Variants in SAMD5 observed in about 807,000 individuals in gnomAD.
The protein encoded by SAMD5 is sterile alpha motif domain-containing protein 5.
A neutral mutation model predicts 11.3 loss-of-function variants in SAMD5; 13 were observed. That is an observed-to-expected ratio of 1.15 (90% CI 0.75 to 1.83). The LOEUF (loss-of-function observed/expected upper bound fraction) is 1.83. Among genes scored for constraint, SAMD5 ranks in the 40% most tolerant of loss-of-function variants. The probability of loss-of-function intolerance (pLI) is 0.00; values close to 1 mark genes in which losing one functional copy is unlikely to be tolerated. For missense variants in SAMD5, 255 were observed against 239.1 expected (o/e 1.07, Z -0.44); for synonymous variants, 129 against 111.3 (o/e 1.16, Z -1.00).
the SAMD5 span, among the ~76,000 whole-genome samples, chr6:147,746,829 C>T: frequency 3.3e-5 from 5 of 152,186 alleles, 1 homozygote; most frequent in South Asian, 1.0e-3. Context: ...GCAGGGGTCA[C>T]TAGGCGGCAG....
rs543601641 is a variant in SAMD5 at position 147,567,217 on chromosome 6, TGGGAGCTGA to T, written c.*2762_*2770del. 4.2e-5 allele frequency: 41 copies of T among 985,324 alleles called. 1 individual carries two copies. The African/African-American group carries it at 6.3e-4, about 15-fold the overall frequency. The allele number at this position is 985,324 out of a possible 1,614,324, so 61.0% of individuals were successfully genotyped here. ...GTTAAGGGCTTCTTCCTTACCCAAG[TGGGAGCTGA>T]ACCAGTAATTGTGGGGAAAACTGAA... On this transcript the variant is annotated 3_prime_UTR_variant, in exon 2 of 2. Transcript: ENST00000367474.
At chr6:147,708,789 A>G (rs1484404757) in intron 1 of SAMD5, among the ~76,000 whole-genome samples, 2 of 152,322 alleles carry the variant, frequency 1.3e-5, no homozygotes, top group Admixed American at 1.3e-4. Context: ...AATAATAACA[A>G]ATGAGCCTCA....
the SAMD5 span, among the ~76,000 whole-genome samples, chr6:147,796,219 A>G: frequency 6.6e-6 from 1 of 151,426 alleles, no homozygotes; most frequent in African/African-American, 2.4e-5. Flanking sequence ...TTAAGTCTTT[A>G]ATCCATCTTG....
chr6:147,834,758 T>C, the SAMD5 span, among the ~76,000 whole-genome samples: 1 of 152,248 alleles, frequency 6.6e-6, no homozygotes, highest in African/African-American at 2.4e-5. Context: ...ACACTTGCAC[T>C]ATCTCACCAT....
chr6:147,620,699 AATT>A (rs1278612119), intron 1 of SAMD5, among the ~76,000 whole-genome samples: 2 of 152,142 alleles, frequency 1.3e-5, no homozygotes, highest in African/African-American at 4.8e-5. Context: ...AAGGCAGGTG[AATT>A]AAGTAGCCAT....
chr6:147,509,060 C>G lies in SAMD5; in HGVS notation c.132C>G (p.Ile44Met), dbSNP rs754012130. ...TCGGGGACCCGGACCTGGATGCCAT[C>G]GGGGTGCTGGCGCCCGCGCACCGCC... ...KQIGDPDLDAIGVLAPAHRRR... is the reference protein window; with the variant it reads ...KQIGDPDLDAMGVLAPAHRRR... The change falls in exon 1 of 2, where the codon ATC becomes ATG. Residue 44 changes from isoleucine to methionine, a missense_variant. Physicochemically the swap from Ile to Met is conservative, Grantham distance 10. Coordinates refer to ENST00000367474, the MANE Select transcript of SAMD5 (RefSeq NM_001030060.3). 3 of 1,604,996 alleles carry G rather than the reference C, an allele frequency of 1.9e-6. No homozygotes were observed. The highest frequency in any genetic ancestry group is 2.5e-6 in the Non-Finnish European group (3 of 1,176,710).
the SAMD5 span, among the ~76,000 whole-genome samples, chr6:147,892,453 A>G: frequency 6.6e-6 from 1 of 152,122 alleles, no homozygotes; most frequent in Admixed American, 6.5e-5. Flanking sequence ...ATCCCTTATT[A>G]TTTTATTTGA....
At chr6:147,668,601 T>C (rs2128455224) in intron 1 of SAMD5, among the ~76,000 whole-genome samples, 1 of 152,252 alleles carries the variant, frequency 6.6e-6, no homozygotes, top group African/African-American at 2.4e-5. Flanking sequence ...CCCAACACTT[T>C]GGGAGGCCGA....
chr6:147,637,840 C>G (rs761554197), intron 1 of SAMD5, among the ~76,000 whole-genome samples: 4 of 149,342 alleles, frequency 2.7e-5, no homozygotes, highest in Non-Finnish European at 3.0e-5. Context: ...TAAGCATCTT[C>G]CTTTTCAAAA....
chr6:147,824,189 C>G, the SAMD5 span, among the ~76,000 whole-genome samples: 1 of 152,202 alleles, frequency 6.6e-6, no homozygotes, highest in Non-Finnish European at 1.5e-5. Flanking sequence ...CTTTAAGCTG[C>G]AGCTGACATA....
the SAMD5 span, among the ~76,000 whole-genome samples, chr6:147,878,673 A>C: frequency 2.0e-5 from 3 of 149,390 alleles, no homozygotes; most frequent in African/African-American, 7.4e-5. Flanking sequence ...ATATATCTAT[A>C]TGTAGATATA....
chr6:147,816,299 AAAAT>A, the SAMD5 span, among the ~76,000 whole-genome samples: 3 of 82,942 alleles, frequency 3.6e-5, no homozygotes, highest in Non-Finnish European at 6.6e-5. Flanking sequence ...AAAAAAAAAA[AAAAT>A]ATATATATAT....
downstream of SAMD5, among the ~76,000 whole-genome samples, chr6:147,570,805 C>T (rs1228305695): frequency 1.3e-5 from 2 of 152,104 alleles, no homozygotes; most frequent in Non-Finnish European, 2.9e-5. Flanking sequence ...TTAAGGATAA[C>T]CTAGTCTGAT....
chr6:147,605,314 T>G (rs1789683732), intron 1 of SAMD5, among the ~76,000 whole-genome samples: 1 of 152,152 alleles, frequency 6.6e-6, no homozygotes. Context: ...GGGGTCTCAC[T>G]CTGTTGGCCA....
the SAMD5 span, among the ~76,000 whole-genome samples, chr6:147,899,436 T>C: frequency 6.6e-6 from 1 of 152,168 alleles, no homozygotes; most frequent in Non-Finnish European, 1.5e-5. Flanking sequence ...CAGAATGTTT[T>C]TAGATTTTCA....
intron 1 of SAMD5, among the ~76,000 whole-genome samples, chr6:147,581,286 G>A (rs2128446249): frequency 6.6e-6 from 1 of 152,228 alleles, no homozygotes; most frequent in African/African-American, 2.4e-5. Flanking sequence ...CTCCCTTTTG[G>A]GCATGTTGAG....
intron 1 of SAMD5, among the ~76,000 whole-genome samples, chr6:147,701,437 C>G (rs1791251482): frequency 6.6e-6 from 1 of 151,998 alleles, no homozygotes; most frequent in Admixed American, 6.5e-5. Context: ...AGTTGGAGAC[C>G]CGCCTGGCCA....
At chr6:147,671,736 T>C (rs1790798053) in intron 1 of SAMD5, among the ~76,000 whole-genome samples, 1 of 152,200 alleles carries the variant, frequency 6.6e-6, no homozygotes, top group Non-Finnish European at 1.5e-5. Context: ...GTGTCCGTCC[T>C]ATTTTTTGAA....
the SAMD5 span, among the ~76,000 whole-genome samples, chr6:147,771,458 C>T: frequency 7.9e-5 from 12 of 152,192 alleles, no homozygotes; most frequent in Non-Finnish European, 4.4e-5. Flanking sequence ...GTAATCATAA[C>T]TCATAAAGCA....
Sources: allele counts gnomAD v4.1 joint callset (sites outside exome capture counted in the v4.1 genomes callset), GRCh38; gene constraint gnomAD v4.1.1; transcripts MANE v1.5; gene names NCBI Gene and HGNC (gene_info 2026-07-23, HGNC 2026-07-21).